The following DLG2 variants were observed in gnomAD, a reference collection of about 807,000 sequenced individuals.
The protein encoded by DLG2 is discs large MAGUK scaffold protein 2, also known as disks large homolog 2.
DLG2 carries 45 observed loss-of-function variants against 132.5 expected under a neutral mutation model. The observed-to-expected ratio is 0.34, with a 90% confidence interval of 0.27 to 0.44. The LOEUF is 0.44. Ranked by LOEUF, DLG2 falls within the 20% of genes least tolerant of loss-of-function variation. The pLI is 1.00. For synonymous variants in DLG2, 424 were observed against 419.6 expected (o/e 1.01, Z -0.13); for missense variants, 1,045 against 1,196.9 (o/e 0.87, Z 1.87).
Position 85,342,327 on chromosome 11 carries a change from ACT to A in DLG2, c.41-56964_41-56963del, listed in dbSNP as rs202197497. 4.5e-3 allele frequency among the ~76,000 whole-genome samples: 686 copies of A among 151,938 alleles called. 25 individuals are homozygous for A. Among genetic ancestry groups the A allele is most frequent in the Admixed American group, 0.036 (548 of 15,236 alleles). ...TACCAATTTTTTTTTTACTTTTTAAACTTTTTTTGTTAAAAACTAAGACACAA... is the reference window on the plus strand; with the variant it reads ...TACCAATTTTTTTTTTACTTTTTAAATTTTTTGTTAAAAACTAAGACACAA... On this transcript the variant is annotated intron_variant, in intron 3 of 27. Coordinates refer to ENST00000376104, the MANE Select transcript of DLG2 (RefSeq NM_001142699.3).
At chr11:85,556,295 C>T (rs1156431899) in intron 3 of DLG2, among the ~76,000 whole-genome samples, 2 of 151,884 alleles carry the variant, frequency 1.3e-5, no homozygotes, top group African/African-American at 4.8e-5. Context: ...TTAGTACCCT[C>T]CCTCCTCTGT....
intron 5 of DLG2, among the ~76,000 whole-genome samples, chr11:85,147,026 CT>C: frequency 6.6e-6 from 1 of 152,180 alleles, no homozygotes; most frequent in Non-Finnish European, 1.5e-5. Flanking sequence ...AATGCAATGT[CT>C]CACAATCACT....
chr11:84,759,025 G>A (rs995515714), intron 6 of DLG2, among the ~76,000 whole-genome samples: 8 of 151,936 alleles, frequency 5.3e-5, no homozygotes, highest in African/African-American at 1.9e-4. Context: ...CTACAGGCAC[G>A]CACCACCATG....
chr11:85,119,918 T>C (rs985579636), intron 5 of DLG2, among the ~76,000 whole-genome samples: 1 of 152,114 alleles, frequency 6.6e-6, no homozygotes, highest in African/African-American at 2.4e-5. Flanking sequence ...ACAATTACCA[T>C]ATTTCCAAAG....
At chr11:85,276,249 G>C (rs2077884945) in intron 4 of DLG2, among the ~76,000 whole-genome samples, 1 of 152,094 alleles carries the variant, frequency 6.6e-6, no homozygotes. Flanking sequence ...AAAACTTTAG[G>C]AATGTGGCAC....
intron 7 of DLG2, among the ~76,000 whole-genome samples, chr11:84,528,357 C>T (rs977615826): frequency 2.0e-5 from 3 of 152,200 alleles, no homozygotes; most frequent in Admixed American, 1.3e-4. Flanking sequence ...CTAATGAAAA[C>T]AGGCTAAGAA....
rs1350774514 is a variant in DLG2, at chr11:84,107,105, G to A, written c.625-8058C>T. 4.0e-5 allele frequency among the ~76,000 whole-genome samples: 6 copies of A among 151,638 alleles called. No homozygotes were observed. In the East Asian group the frequency reaches 1.2e-3, roughly 29 times the overall value. ...AGATTTTGGAGGATGGCAGGGAGGG[G>A]ACTCAAGCATCTCTTTAGTCTAAAG... On this transcript the variant is annotated intron_variant, in intron 9 of 27. Coordinates refer to ENST00000376104, the MANE Select transcript of DLG2 (RefSeq NM_001142699.3).
intron 10 of DLG2, among the ~76,000 whole-genome samples, chr11:84,064,716 T>C (rs1181962308): frequency 3.3e-5 from 5 of 152,058 alleles, no homozygotes; most frequent in Non-Finnish European, 5.9e-5. Context: ...GGAAAAATAC[T>C]AAAGGGAGAA....
intron 11 of DLG2, among the ~76,000 whole-genome samples, chr11:83,991,519 ACTTTTTT>A (rs902751493): frequency 2.9e-4 from 44 of 151,986 alleles, no homozygotes; most frequent in East Asian, 1.7e-3. Flanking sequence ...TTAGGGCTTT[ACTTTTTT>A]CTTTTTTCTT....
intron 6 of DLG2, among the ~76,000 whole-genome samples, chr11:84,750,844 T>A (rs1227030127): frequency 6.6e-6 from 1 of 152,160 alleles, no homozygotes; most frequent in Non-Finnish European, 1.5e-5. Flanking sequence ...ACTGCAAAAT[T>A]GTTAAGAAAG....
At chr11:85,436,109 C>T (rs117266235) in intron 3 of DLG2, among the ~76,000 whole-genome samples, 5,890 of 152,082 alleles carry the variant, frequency 0.039, 201 homozygotes, top group Admixed American at 0.081. Flanking sequence ...GTTAGCCATA[C>T]GCAGGGCACT....
At chr11:84,510,814 TTTTG>T (rs150351695) in intron 7 of DLG2, among the ~76,000 whole-genome samples, 21,983 of 151,586 alleles carry the variant, frequency 0.15, 1,639 homozygotes, top group South Asian at 0.26. Context: ...GATAACTGTT[TTTTG>T]TTTGTTTGTT....
At chr11:85,593,268 CTG>C (rs1342327316) in intron 3 of DLG2, among the ~76,000 whole-genome samples, 8 of 152,306 alleles carry the variant, frequency 5.3e-5, no homozygotes, top group African/African-American at 1.9e-4. Context: ...TATTCACACA[CTG>C]TTAATATATT....
chr11:85,386,408 A>G (rs1230823642), intron 3 of DLG2, among the ~76,000 whole-genome samples: 1 of 152,080 alleles, frequency 6.6e-6, no homozygotes, highest in East Asian at 1.9e-4. Flanking sequence ...TCGACACCCT[A>G]CCTCCAGAGA....
intron 18 of DLG2, among the ~76,000 whole-genome samples, chr11:83,722,357 A>C (rs2088826534): frequency 6.6e-6 from 1 of 152,210 alleles, no homozygotes; most frequent in South Asian, 2.1e-4. Context: ...AATTAATTCT[A>C]AAAATCTGTG....
intron 6 of DLG2, among the ~76,000 whole-genome samples, chr11:84,710,849 T>G (rs1158280777): frequency 2.0e-5 from 3 of 150,818 alleles, no homozygotes; most frequent in Admixed American, 1.3e-4. Flanking sequence ...AAATATTACC[T>G]TATTTATAAG....
intron 8 of DLG2, among the ~76,000 whole-genome samples, chr11:84,177,352 A>C (rs1370772811): frequency 6.6e-6 from 1 of 152,122 alleles, no homozygotes; most frequent in East Asian, 1.9e-4. Flanking sequence ...GCACATATAT[A>C]CACAGGCCAG....
chr11:85,351,953 G>C (rs2083322185), intron 3 of DLG2, among the ~76,000 whole-genome samples: 1 of 152,050 alleles, frequency 6.6e-6, no homozygotes, highest in Admixed American at 6.6e-5. Context: ...TCTCTCTTTT[G>C]CTATTGATTG....
At chr11:84,738,779 A>T (rs1385731344) in intron 6 of DLG2, among the ~76,000 whole-genome samples, 1 of 152,208 alleles carries the variant, frequency 6.6e-6, no homozygotes, top group Non-Finnish European at 1.5e-5. Flanking sequence ...ATTTCTAGGT[A>T]TTCAAGAGAA....
Sources: gnomAD v4.1 joint callset for allele counts (sites outside exome capture counted in the v4.1 genomes callset) on GRCh38, gnomAD v4.1.1 for gene constraint, MANE v1.5 for transcripts, NCBI Gene and HGNC (gene_info 2026-07-23, HGNC 2026-07-21) for gene names.